The following NOL4 variants were observed in gnomAD, a reference collection of about 807,000 sequenced individuals.
NOL4 encodes cancer/testis antigen 125.
A neutral mutation model predicts 75.9 loss-of-function variants in NOL4; 17 were observed. The ratio of observed to expected loss-of-function variants is 0.22; its 90% confidence interval spans 0.15 to 0.34. The LOEUF is 0.34. Among genes scored for constraint, NOL4 ranks in the 10% least tolerant of loss-of-function variants. The probability of loss-of-function intolerance (pLI) is 1.00; values close to 1 mark genes in which losing one functional copy is unlikely to be tolerated. For missense variants in NOL4, 614 were observed against 793.5 expected, an observed-to-expected ratio of 0.77 and a Z score of 2.72; for synonymous variants, 292 against 289.9, an observed-to-expected ratio of 1.01 and a Z score of -0.07.
In NOL4 at chr18:34,222,847, G is replaced by A; in HGVS notation, c.264+143C>T. 12 of 1,075,920 alleles carry A rather than the reference G, an allele frequency of 1.1e-5. No individual in the cohort carries two copies. In the South Asian group the frequency reaches 1.9e-4, roughly 17 times the overall value. 66.6% of individuals were successfully genotyped at this position (1,075,920 alleles called of 1,614,324 possible). On this transcript the variant is annotated intron_variant, in intron 1 of 10. Transcript: ENST00000261592. ...GCGCCTGGCTAATGCGAGTGGGGACGACTTGGGGAGGGGGTTGAGGAAGGT... is the reference window on the plus strand; with the variant it reads ...GCGCCTGGCTAATGCGAGTGGGGACAACTTGGGGAGGGGGTTGAGGAAGGT...
intron 6 of NOL4, among the ~76,000 whole-genome samples, chr18:33,991,050 G>T (rs1227769925): frequency 1.3e-5 from 2 of 151,920 alleles, no homozygotes; most frequent in Non-Finnish European, 2.9e-5. Context: ...AATTCTTTGG[G>T]TCAAATTTCT....
intron 9 of NOL4, among the ~76,000 whole-genome samples, chr18:33,907,167 C>T (rs1397845748): frequency 6.6e-6 from 1 of 151,522 alleles, no homozygotes; most frequent in Non-Finnish European, 1.5e-5. Flanking sequence ...ACTAAAAATA[C>T]AAAAAATTAG....
intron 8 of NOL4, among the ~76,000 whole-genome samples, chr18:33,954,258 C>T (rs989176350): frequency 1.3e-5 from 2 of 152,080 alleles, no homozygotes; most frequent in Non-Finnish European, 2.9e-5. Context: ...AATGTCTATA[C>T]GTGTTCAATA....
intron 10 of NOL4, among the ~76,000 whole-genome samples, chr18:33,859,726 C>T: frequency 6.6e-6 from 1 of 152,050 alleles, no homozygotes; most frequent in East Asian, 1.9e-4. Context: ...CAAGACCAGC[C>T]TGACCAACAT....
chr18:34,202,943 T>C (rs11081850), intron 1 of NOL4, among the ~76,000 whole-genome samples: 95,102 of 151,742 alleles, frequency 0.63, 29,891 homozygotes, highest in East Asian at 0.71. Flanking sequence ...GGCATTTAAT[T>C]GAGAGAAATG....
intron 4 of NOL4, among the ~76,000 whole-genome samples, chr18:34,100,934 TTCTACC>T (rs1049039669): frequency 1.3e-5 from 2 of 152,194 alleles, no homozygotes; most frequent in African/African-American, 4.8e-5. Flanking sequence ...CTCAAATGTT[TTCTACC>T]CACAGTTTTT....
At chr18:34,091,740 G>A (rs185762044) in intron 5 of NOL4, among the ~76,000 whole-genome samples, 12 of 152,282 alleles carry the variant, frequency 7.9e-5, no homozygotes, top group Admixed American at 7.8e-4. Context: ...AACCTCTGAT[G>A]CAGGAGAAAG....
chr18:34,055,037 TC>T (rs2076777625), intron 5 of NOL4, among the ~76,000 whole-genome samples: 2 of 150,754 alleles, frequency 1.3e-5, no homozygotes, highest in Admixed American at 6.6e-5. Context: ...AACAACTTAC[TC>T]TACTCCTTAT....
intron 1 of NOL4, among the ~76,000 whole-genome samples, chr18:34,199,286 G>T (rs1280652594): frequency 6.6e-6 from 1 of 151,560 alleles, no homozygotes; most frequent in East Asian, 1.9e-4. Flanking sequence ...GGCCACATCT[G>T]CTGGCCTATG....
intron 4 of NOL4, among the ~76,000 whole-genome samples, chr18:34,100,455 A>G: frequency 6.6e-6 from 1 of 152,162 alleles, no homozygotes; most frequent in East Asian, 1.9e-4. Flanking sequence ...TGTAAAGAAC[A>G]CCATTGACTT....
chr18:34,048,208 T>C (rs2076467916), intron 5 of NOL4, among the ~76,000 whole-genome samples: 1 of 152,158 alleles, frequency 6.6e-6, no homozygotes, highest in Admixed American at 6.6e-5. Flanking sequence ...TTCTTTTTGC[T>C]TATCTAATTT....
chr18:33,865,436 C>T (rs1368480761), intron 10 of NOL4, among the ~76,000 whole-genome samples: 1 of 151,708 alleles, frequency 6.6e-6, no homozygotes, highest in Non-Finnish European at 1.5e-5. Flanking sequence ...TTTTGATCTG[C>T]CGTTGGTTCA....
At chr18:34,013,307 C>G (rs537045904) in intron 6 of NOL4, among the ~76,000 whole-genome samples, 1 of 151,888 alleles carries the variant, frequency 6.6e-6, no homozygotes, top group East Asian at 1.9e-4. Flanking sequence ...TCCTCTCCAT[C>G]CCAACTACCA....
At chr18:34,061,438 G>T (rs116662583) in intron 5 of NOL4, among the ~76,000 whole-genome samples, 4,036 of 152,188 alleles carry the variant, frequency 0.027, 196 homozygotes, top group African/African-American at 0.092. Flanking sequence ...TATAAGTTGA[G>T]ACAGTTTCAG....
At chr18:34,151,051 A>T (rs1221078322) in intron 1 of NOL4, among the ~76,000 whole-genome samples, 2 of 151,926 alleles carry the variant, frequency 1.3e-5, no homozygotes, top group African/African-American at 4.8e-5. Flanking sequence ...CCAAAATTCA[A>T]AACACTAACA....
chr18:34,086,602 T>A (rs375306879), intron 5 of NOL4, among the ~76,000 whole-genome samples: 31 of 152,274 alleles, frequency 2.0e-4, no homozygotes, highest in African/African-American at 7.5e-4. Context: ...AGTTCTTGCT[T>A]TTACTGCTGG....
intron 1 of NOL4, among the ~76,000 whole-genome samples, chr18:34,147,762 T>C (rs1161229121): frequency 1.3e-5 from 2 of 152,152 alleles, no homozygotes; most frequent in Non-Finnish European, 2.9e-5. Context: ...CCTCTTTTTC[T>C]ATTGTTTGGA....
chr18:34,087,232 C>T (rs1054590914), intron 5 of NOL4, among the ~76,000 whole-genome samples: 4 of 152,000 alleles, frequency 2.6e-5, no homozygotes, highest in African/African-American at 7.2e-5. Flanking sequence ...TTTCAGGAGG[C>T]CAGTTTAGCA....
chr18:33,934,189 G>C (rs182587017), intron 9 of NOL4, among the ~76,000 whole-genome samples: 131 of 152,152 alleles, frequency 8.6e-4, no homozygotes, highest in African/African-American at 3.0e-3. Context: ...TCAACAGTGG[G>C]CTTAAAATAT....
Sources: allele counts gnomAD v4.1 joint callset (sites outside exome capture counted in the v4.1 genomes callset), GRCh38; gene constraint gnomAD v4.1.1; transcripts MANE v1.5; gene names NCBI Gene and HGNC (gene_info 2026-07-23, HGNC 2026-07-21).